The following UBE3C variants were observed in gnomAD, a reference collection of about 807,000 sequenced individuals.
UBE3C encodes ubiquitin-protein ligase E3C.
UBE3C carries 42 observed loss-of-function variants against 129.4 expected under a neutral mutation model. The observed-to-expected ratio is 0.32, with a 90% CI of 0.25 to 0.42. UBE3C has a LOEUF of 0.42. UBE3C is among the 10% of genes least tolerant of loss of function. The pLI, the probability that UBE3C is intolerant of heterozygous loss-of-function variation, is 1.00. For missense variants in UBE3C, 1,049 were observed against 1,319.1 expected, an observed-to-expected ratio of 0.80 and a Z score of 3.17; for synonymous variants, 510 against 492.4, an observed-to-expected ratio of 1.04 and a Z score of -0.47.
At chr7:157,231,648 A>C in intron 18 of UBE3C, 2 of 307,746 alleles carry the variant, frequency 6.5e-6, no homozygotes, top group South Asian at 3.3e-5. Flanking sequence ...GGCCCTGGTG[A>C]CTTTTTACAG....
At chr7:157,139,434 GCCGAGA>G in intron 1 of UBE3C, 96 bp downstream of exon 1, 1 of 1,200,504 alleles carries the variant, frequency 8.3e-7, no homozygotes, top group East Asian at 3.2e-5. Flanking sequence ...TGGACTCGGG[GCCGAGA>G]CTTGGGGCTG....
Position 157,168,787 on chromosome 7 carries a change from G to A in UBE3C, c.121-261G>A, listed in dbSNP as rs544812664. ...TGAGTGATTGCCAGGGGCAAGAGAA[G>A]GGACGGCAGGAAACGGGGGGTGACT... On this transcript the variant is annotated intron_variant, in intron 2 of 22. Coordinates refer to ENST00000348165, the MANE Select transcript of UBE3C (RefSeq NM_014671.3). Among the ~76,000 whole-genome samples the A allele has an allele frequency of 1.8e-4, 28 of 152,342 alleles. 1 individual carries two copies. In the East Asian group the frequency reaches 5.4e-3, roughly 29 times the overall value.
intron 10 of UBE3C, chr7:157,198,180 A>G: frequency 6.2e-7 from 1 of 1,607,642 alleles, no homozygotes; most frequent in Non-Finnish European, 8.5e-7. Flanking sequence ...AACATCTTGT[A>G]GCTGATTTTC....
At chr7:157,190,917 CT>C (rs1429163824) in intron 10 of UBE3C, among the ~76,000 whole-genome samples, 1 of 152,160 alleles carries the variant, frequency 6.6e-6, no homozygotes, top group Non-Finnish European at 1.5e-5. Context: ...TGCCCCTTTC[CT>C]TTTGCGTATG....
intron 1 of UBE3C, among the ~76,000 whole-genome samples, chr7:157,155,185 C>G (rs1344417515): frequency 6.6e-6 from 1 of 152,114 alleles, no homozygotes; most frequent in Non-Finnish European, 1.5e-5. Flanking sequence ...ATCCCACCCC[C>G]TCCACACGCA....
At chr7:157,149,162 T>G (rs1248945586) in intron 1 of UBE3C, among the ~76,000 whole-genome samples, 1 of 152,174 alleles carries the variant, frequency 6.6e-6, no homozygotes, top group Non-Finnish European at 1.5e-5. Context: ...GTTCAAGCAA[T>G]TCTCCTGCCT....
chr7:157,208,551 GAAATAT>G (rs1319452648), intron 13 of UBE3C, among the ~76,000 whole-genome samples: 2 of 152,080 alleles, frequency 1.3e-5, no homozygotes, highest in Non-Finnish European at 2.9e-5. Flanking sequence ...GTGACACGAT[GAAATAT>G]AAATACAGTT....
chr7:157,173,024 A>G (rs1172254028), intron 4 of UBE3C, among the ~76,000 whole-genome samples: 3 of 152,244 alleles, frequency 2.0e-5, no homozygotes, highest in Admixed American at 1.3e-4. Context: ...GCTCATGTGC[A>G]GATTCTGAAA....
At chr7:157,182,452 TGCTGGAGG>T in intron 8 of UBE3C, 124 bp downstream of exon 8, 2 of 932,060 alleles carry the variant, frequency 2.1e-6, no homozygotes, top group Admixed American at 5.5e-5. Flanking sequence ...GGAGTGTATT[TGCTGGAGG>T]GATGTGGTCT....
At chr7:157,188,188 G>A (rs533482720) in intron 10 of UBE3C, among the ~76,000 whole-genome samples, 34 of 152,248 alleles carry the variant, frequency 2.2e-4, no homozygotes, top group Non-Finnish European at 8.8e-5. Context: ...CTGTCAGTAA[G>A]TAAGCAGGTC....
At chr7:157,142,150 G>A (rs1807471618) in intron 1 of UBE3C, among the ~76,000 whole-genome samples, 1 of 152,114 alleles carries the variant, frequency 6.6e-6, no homozygotes. Context: ...ACCTACATAT[G>A]CTTGTTTTCC....
chr7:157,207,890 A>G lies in UBE3C; in HGVS notation c.1764A>G (p.Gln588=). The G allele has an allele frequency of 1.2e-6, 2 of 1,612,076 alleles. No homozygotes were observed. Among genetic ancestry groups the G allele is most frequent in the Non-Finnish European group, 1.7e-6 (2 of 1,179,204 alleles). The stretch of plus-strand genomic sequence containing the variant: ...GAGTTACTACTAGCTCTGAAATGCA[A>G]CAATGCATACAGATGGAACAGAAAA... ...SIGVTTSSEM[Q]QCIQMEQKRW... The change falls in exon 13 of 23, where the codon CAA becomes CAG. Residue 588 remains glutamine, a synonymous_variant. Transcript: ENST00000348165.
intron 22 of UBE3C, among the ~76,000 whole-genome samples, chr7:157,263,769 T>A (rs1796987831): frequency 6.6e-6 from 1 of 151,146 alleles, no homozygotes; most frequent in African/African-American, 2.4e-5. Flanking sequence ...TTTTTTTTTT[T>A]ACCTTTCAGT....
At position 157,216,306 on chromosome 7, in the gene UBE3C, T is replaced by C. The variant is rs149342160; in HGVS notation, c.1810-561T>C. Among the ~76,000 whole-genome samples, 207 of 152,170 alleles carry C rather than the reference T, an allele frequency of 1.4e-3. 1 individual carries two copies. Among genetic ancestry groups the C allele is most frequent in the Admixed American group, 4.6e-3 (70 of 15,286 alleles). ...TACAAAATTGCACCACTTAGAGGTA[T>C]CTTTCATTAGAACTCAGATGAGCTA... On this transcript the variant is annotated intron_variant, in intron 13 of 22. Transcript: ENST00000348165.
At chr7:157,178,941 C>A in intron 6 of UBE3C, 94 bp downstream of exon 6, 1 of 1,489,242 alleles carries the variant, frequency 6.7e-7, no homozygotes, top group South Asian at 1.3e-5. Context: ...CCCTCAGTCT[C>A]AATGTCAGAG....
intron 10 of UBE3C, among the ~76,000 whole-genome samples, chr7:157,195,827 T>C (rs1809104500): frequency 6.6e-6 from 1 of 152,140 alleles, no homozygotes; most frequent in African/African-American, 2.4e-5. Flanking sequence ...CGTAAATTTA[T>C]TTGTGATGGA....
intron 1 of UBE3C, among the ~76,000 whole-genome samples, chr7:157,155,855 C>G (rs1199049575): frequency 6.6e-6 from 1 of 151,930 alleles, no homozygotes; most frequent in Non-Finnish European, 1.5e-5. Flanking sequence ...TGGGTAGTTA[C>G]AGCAGGGAGC....
At chr7:157,162,858 A>C (rs528686664) in intron 1 of UBE3C, among the ~76,000 whole-genome samples, 33 of 152,224 alleles carry the variant, frequency 2.2e-4, no homozygotes, top group Non-Finnish European at 2.9e-5. Flanking sequence ...TACAAAAATA[A>C]AATGTCCATA....
intron 1 of UBE3C, among the ~76,000 whole-genome samples, chr7:157,158,757 T>C (rs1807986201): frequency 6.6e-6 from 1 of 152,306 alleles, no homozygotes; most frequent in Non-Finnish European, 1.5e-5. Context: ...GACAAGCCCA[T>C]GGGGACGTTT....
Sources: gnomAD v4.1 joint callset for allele counts (sites outside exome capture counted in the v4.1 genomes callset) on GRCh38, gnomAD v4.1.1 for gene constraint, MANE v1.5 for transcripts, NCBI Gene and HGNC (gene_info 2026-07-23, HGNC 2026-07-21) for gene names.